The following DLGAP1 variants were observed in gnomAD, a reference collection of about 807,000 sequenced individuals.
The protein encoded by DLGAP1 is DLG associated protein 1.
In DLGAP1, 11 loss-of-function variants were observed where a neutral mutation model predicts 90.8. The observed-to-expected ratio is 0.12, with a 90% CI of 0.08 to 0.20. The LOEUF (loss-of-function observed/expected upper bound fraction) is 0.20. Among genes scored for constraint, DLGAP1 ranks in the 10% least tolerant of loss-of-function variants. The probability of loss-of-function intolerance (pLI) is 1.00; values close to 1 mark genes in which losing one functional copy is unlikely to be tolerated. For synonymous variants in DLGAP1, 558 were observed against 540.7 expected, an observed-to-expected ratio of 1.03 and a Z score of -0.44; for missense variants, 1,050 against 1,333.8, an observed-to-expected ratio of 0.79 and a Z score of 3.31.
At chr18:4,375,333 GTCCTGTT>G (rs2081994267) in intron 1 of DLGAP1, among the ~76,000 whole-genome samples, 2 of 152,066 alleles carry the variant, frequency 1.3e-5, no homozygotes, top group African/African-American at 4.8e-5. Flanking sequence ...AAAAATTTTG[GTCCTGTT>G]AATACTTTTC....
At chr18:4,310,431 C>T (rs2080371577) in intron 1 of DLGAP1, among the ~76,000 whole-genome samples, 1 of 152,164 alleles carries the variant, frequency 6.6e-6, no homozygotes, top group Admixed American at 6.5e-5. Context: ...AGGAAGTTTC[C>T]CACTTCATTC....
At chr18:3,659,400 C>T (rs1178493651) in intron 7 of DLGAP1, among the ~76,000 whole-genome samples, 2 of 132,648 alleles carry the variant, frequency 1.5e-5, no homozygotes, top group Admixed American at 7.3e-5. Flanking sequence ...TTTATACACA[C>T]ACACACACAC....
At chr18:4,168,803 C>T (rs1269296109) in intron 1 of DLGAP1, among the ~76,000 whole-genome samples, 2 of 152,134 alleles carry the variant, frequency 1.3e-5, no homozygotes, top group Admixed American at 6.6e-5. Context: ...AGGCTGAACT[C>T]GAACCTCTGG....
intron 7 of DLGAP1, among the ~76,000 whole-genome samples, chr18:3,720,895 A>AAAAAAAAAAAAAAAAAAAAAAAAAAAG (rs2061953800): frequency 7.1e-6 from 1 of 140,406 alleles, no homozygotes; most frequent in African/African-American, 2.9e-5. Flanking sequence ...CTACAAAAAA[A>AAAAAAAAAAAAAAAAAAAAAAAAAAAG]AAAAAAAAAA....
rs33919576 is a variant in DLGAP1 at position 3,886,537 on chromosome 18, A to AT, written c.-72-6398dup. 2.6e-5 allele frequency among the ~76,000 whole-genome samples: 4 copies of AT among 151,282 alleles called. No individual in the cohort carries two copies. The South Asian group carries it at 6.3e-4, about 24-fold the overall frequency. ...TTATCATTCATTCGGACTTGCATCT[A>AT]TTTTTTTTGTACCCATTAATCATCC... On this transcript the variant is annotated intron_variant, in intron 3 of 12. Coordinates refer to ENST00000315677, the MANE Select transcript of DLGAP1 (RefSeq NM_004746.4).
At chr18:3,505,030 T>C (rs1432870727) in intron 11 of DLGAP1, among the ~76,000 whole-genome samples, 1 of 152,164 alleles carries the variant, frequency 6.6e-6, no homozygotes, top group Non-Finnish European at 1.5e-5. Flanking sequence ...TGAGTAAGTG[T>C]TTTCAAAATA....
chr18:3,854,668 T>C (rs566549802), intron 4 of DLGAP1, among the ~76,000 whole-genome samples: 3 of 152,344 alleles, frequency 2.0e-5, no homozygotes, highest in African/African-American at 4.8e-5. Context: ...TAATATTTAA[T>C]ACAGATACAT....
intron 1 of DLGAP1, among the ~76,000 whole-genome samples, chr18:4,310,733 C>A (rs953768546): frequency 6.6e-6 from 1 of 152,156 alleles, no homozygotes; most frequent in Admixed American, 6.5e-5. Context: ...AGATACTTAT[C>A]TAGAAGCAAC....
intron 3 of DLGAP1, among the ~76,000 whole-genome samples, chr18:3,988,287 C>A (rs1326496985): frequency 1.3e-5 from 2 of 152,104 alleles, no homozygotes; most frequent in African/African-American, 4.8e-5. Context: ...TGCAGCTATA[C>A]AATTGAAGTA....
chr18:3,688,612 AAG>A (rs1167934954), intron 7 of DLGAP1, among the ~76,000 whole-genome samples: 1 of 126,224 alleles, frequency 7.9e-6, no homozygotes, highest in Non-Finnish European at 1.6e-5. Flanking sequence ...GTATTAAAAA[AAG>A]ACACACACAC....
At chr18:4,365,035 T>C (rs1451159650) in intron 1 of DLGAP1, among the ~76,000 whole-genome samples, 1 of 152,186 alleles carries the variant, frequency 6.6e-6, no homozygotes, top group Admixed American at 6.5e-5. Context: ...TTGTTATGAT[T>C]TCATTTCTTT....
intron 7 of DLGAP1, among the ~76,000 whole-genome samples, chr18:3,674,300 T>A (rs1441162134): frequency 3.9e-5 from 5 of 129,194 alleles, no homozygotes; most frequent in African/African-American, 1.9e-4. Context: ...TATTAAAATA[T>A]ATATATATAT....
intron 1 of DLGAP1, among the ~76,000 whole-genome samples, chr18:4,387,930 TACACACACACACACACACACACACACA>T (rs2082267389): frequency 8.1e-6 from 1 of 123,258 alleles, no homozygotes; most frequent in African/African-American, 3.1e-5. Context: ...CCATCACACA[TACACACACACACACACACACACACACA>T]CACACACACA....
In DLGAP1 at chr18:3,977,261, G is replaced by A. The variant is rs868822474; in HGVS notation, c.-73+27855C>T. On this transcript the variant is annotated intron_variant, in intron 3 of 12. Coordinates refer to ENST00000315677, the MANE Select transcript of DLGAP1 (RefSeq NM_004746.4). ...TAATTTTTGTATTTTTAGTAGAGAC[G>A]GGGTTTTCCCATGTTGCCCAGGCTG... Among the ~76,000 whole-genome samples, 5 of 151,980 alleles carry A rather than the reference G, an allele frequency of 3.3e-5. 1 individual carries two copies. The highest frequency in any genetic ancestry group is 6.8e-3 in the Middle Eastern group (2 of 292).
intron 3 of DLGAP1, among the ~76,000 whole-genome samples, chr18:3,883,373 T>C (rs2071230493): frequency 2.6e-5 from 4 of 152,224 alleles, no homozygotes. Context: ...GGAGCGCTCA[T>C]GACAATGTTG....
intron 7 of DLGAP1, among the ~76,000 whole-genome samples, chr18:3,642,543 T>C (rs376802334): frequency 3.3e-5 from 5 of 152,326 alleles, no homozygotes; most frequent in African/African-American, 1.2e-4. Context: ...GATTCAATTA[T>C]TACTCACTCA....
chr18:3,661,571 C>CTTTTTTTTTTTTTTT (rs10549959), intron 7 of DLGAP1, among the ~76,000 whole-genome samples: 1 of 125,272 alleles, frequency 8.0e-6, no homozygotes, highest in African/African-American at 2.9e-5. Context: ...GCTGTAAGGT[C>CTTTTTTTTTTTTTTT]TTTTTTTTTT....
At chr18:4,351,657 C>T (rs1323782193) in intron 1 of DLGAP1, among the ~76,000 whole-genome samples, 2 of 152,038 alleles carry the variant, frequency 1.3e-5, no homozygotes, top group African/African-American at 4.8e-5. Flanking sequence ...GATTCCTGTC[C>T]AACATAGATA....
rs115587882 is a variant in DLGAP1 at position 4,296,485 on chromosome 18, A to G, written c.-266-145198T>C. Among the ~76,000 whole-genome samples the G allele has an allele frequency of 5.2e-3, 785 of 152,334 alleles. 8 individuals are homozygous for G. Among genetic ancestry groups the G allele is most frequent in the African/African-American group, 0.019 (772 of 41,566 alleles). ...CACGTGCTTGCATTCACAGTGTTAT[A>G]CCTGTATAATTTGTTGAATTTCTAA... On this transcript the variant is annotated intron_variant, in intron 1 of 12. Transcript: ENST00000315677.
Sources: allele counts gnomAD v4.1 joint callset (sites outside exome capture counted in the v4.1 genomes callset), GRCh38; gene constraint gnomAD v4.1.1; transcripts MANE v1.5; gene names NCBI Gene and HGNC (gene_info 2026-07-23, HGNC 2026-07-21).